CLEC1A: variants seen among roughly 807,000 people sequenced by gnomAD.
CLEC1A encodes the protein C-type lectin-like receptor-1.
In CLEC1A, 34 loss-of-function variants were observed where a neutral mutation model predicts 28.7. That is an observed-to-expected ratio of 1.18 (90% CI 0.90 to 1.57). The LOEUF (loss-of-function observed/expected upper bound fraction) is 1.57, where lower values mean the gene tolerates loss of function less well. Among genes scored for constraint, CLEC1A ranks in the 40% most tolerant of loss-of-function variants. The pLI, the probability that CLEC1A is intolerant of heterozygous loss-of-function variation, is 0.00. For missense variants in CLEC1A, 385 were observed against 339.5 expected (o/e 1.13, Z -1.05); for synonymous variants, 116 against 121.0 (o/e 0.96, Z 0.27).
At chr12:10,084,225 C>T (rs3994132) in intron 2 of CLEC1A, 119,241 of 152,190 alleles carry the variant, frequency 0.78, 48,065 homozygotes, top group Middle Eastern at 0.88. Flanking sequence ...TGTCACCCCA[C>T]TGATTGCCAG....
chr12:10,083,816 T>C (rs970488402), intron 2 of CLEC1A, among the ~76,000 whole-genome samples: 5 of 151,990 alleles, frequency 3.3e-5, no homozygotes, highest in Admixed American at 6.6e-5. Context: ...ATTTAAAAAA[T>C]TATCCAGAGA....
At chr12:10,087,523 T>TATA (rs1866526352) in intron 2 of CLEC1A, among the ~76,000 whole-genome samples, 1 of 112,192 alleles carries the variant, frequency 8.9e-6, no homozygotes, top group South Asian at 2.9e-4. Context: ...TATATATTTG[T>TATA]TTTTTTTTTT....
At position 10,075,529 on chromosome 12, in the gene CLEC1A, A is replaced by G; in HGVS notation, c.518T>C (p.Leu173Pro). The G allele has an allele frequency of 1.2e-6, 2 of 1,613,920 alleles. No individual in the cohort carries two copies. The highest frequency in any genetic ancestry group is 1.7e-6 in the Non-Finnish European group (2 of 1,179,890). The change falls in exon 4 of 6, where the codon CTG becomes CCG. Residue 173 changes from leucine (L) to proline (P), a missense_variant. Leu to Pro is a moderately conservative substitution (Grantham distance 98, BLOSUM62 -3). Coordinates refer to ENST00000315330, the MANE Select transcript of CLEC1A (RefSeq NM_016511.4). ...YFCLSENSTM[L>P]KINKQEDLEF... ...CAGGTCTTCTTGTTTGTTTATCTTC[A>G]GCATGGTAGAGTTTTCACTAAGGCA... is the stretch of plus-strand genomic sequence containing the variant.
intron 3 of CLEC1A, among the ~76,000 whole-genome samples, chr12:10,076,288 A>G (rs943559444): frequency 6.6e-6 from 1 of 152,182 alleles, no homozygotes; most frequent in Non-Finnish European, 1.5e-5. Flanking sequence ...ATTTAGAGTT[A>G]GGAACCTAAT....
In CLEC1A at chr12:10,073,394, C is replaced by T. The variant is rs1159822814; in HGVS notation, c.561G>A (p.Gln187=). 1 of 1,613,346 alleles carries T rather than the reference C, an allele frequency of 6.2e-7. No homozygotes were observed. Among genetic ancestry groups the T allele is most frequent in the Non-Finnish European group, 8.5e-7 (1 of 1,179,704 alleles). The change falls in exon 5 of 6, where the codon CAG becomes CAA. Residue 187 remains glutamine, a synonymous_variant. Transcript: ENST00000315330. ...AAGAGTAGAAAAACTCAGAGTAGCT[C>T]TGAGACGCGGCAAATTCCTGTGAAA... ...KQEDLEFAAS[Q]SYSEFFYSYW...
At chr12:10,085,747 G>A (rs540708585) in intron 2 of CLEC1A, among the ~76,000 whole-genome samples, 4 of 152,266 alleles carry the variant, frequency 2.6e-5, no homozygotes, top group Admixed American at 6.5e-5. Context: ...TCCACTGACA[G>A]CACTAGACAG....
chr12:10,084,821 C>CAAAAAAAAAAAAAAA (rs57574014), intron 2 of CLEC1A, among the ~76,000 whole-genome samples: 39 of 83,714 alleles, frequency 4.7e-4, no homozygotes, highest in African/African-American at 9.2e-4. Context: ...GACTCTGTAT[C>CAAAAAAAAAAAAAAA]AAAAAAAAAA....
intron 2 of CLEC1A, among the ~76,000 whole-genome samples, chr12:10,086,995 C>T (rs922744357): frequency 2.6e-5 from 4 of 151,880 alleles, no homozygotes; most frequent in East Asian, 1.9e-4. Flanking sequence ...CACCTGAGGT[C>T]GGGAGTTCGA....
chr12:10,080,163 A>G (rs55976190), intron 3 of CLEC1A, among the ~76,000 whole-genome samples: 2,043 of 152,192 alleles, frequency 0.013, 34 homozygotes, highest in African/African-American at 0.046. Flanking sequence ...ACAAGAAAAA[A>G]TTAGCTGGGT....
intron 2 of CLEC1A, among the ~76,000 whole-genome samples, chr12:10,087,471 GTTATATATAT>G (rs1565605659): frequency 1.8e-5 from 1 of 56,658 alleles, no homozygotes; most frequent in African/African-American, 7.8e-5. Flanking sequence ...ATACCTCAAA[GTTATATATAT>G]ATATATATAT....
chr12:10,080,968 T>C (rs895451926), intron 3 of CLEC1A, among the ~76,000 whole-genome samples: 2 of 152,248 alleles, frequency 1.3e-5, no homozygotes, highest in Non-Finnish European at 2.9e-5. Context: ...CCCTGTATTT[T>C]CTTTACTCGT....
chr12:10,073,099 A>G (rs1183801775), intron 5 of CLEC1A, among the ~76,000 whole-genome samples, 194 bp downstream of exon 5: 1 of 152,076 alleles, frequency 6.6e-6, no homozygotes, highest in Admixed American at 6.6e-5. Context: ...TCAAACGAAC[A>G]AACACACACA....
At chr12:10,086,189 C>T (rs762520497) in intron 2 of CLEC1A, among the ~76,000 whole-genome samples, 7 of 151,922 alleles carry the variant, frequency 4.6e-5, no homozygotes, top group Non-Finnish European at 7.4e-5. Flanking sequence ...ACAGCAAAAG[C>T]GGTGCTAAGA....
intron 2 of CLEC1A, among the ~76,000 whole-genome samples, chr12:10,085,279 G>A (rs1866466191): frequency 6.9e-6 from 1 of 145,566 alleles, no homozygotes; most frequent in South Asian, 2.2e-4. Context: ...CTAGCATAAT[G>A]AATAGAACAG....
intron 4 of CLEC1A, among the ~76,000 whole-genome samples, chr12:10,074,350 AGAGTG>A (rs1406274357): frequency 6.6e-6 from 1 of 152,250 alleles, no homozygotes; most frequent in Non-Finnish European, 1.5e-5. Flanking sequence ...CAATAGTCGT[AGAGTG>A]AACAGGTGAA....
intron 1 of CLEC1A, among the ~76,000 whole-genome samples, chr12:10,092,977 T>C (rs754003138): frequency 6.6e-6 from 1 of 152,150 alleles, no homozygotes; most frequent in Non-Finnish European, 1.5e-5. Flanking sequence ...ATAAAAGACA[T>C]GGAGAAACAC....
intron 2 of CLEC1A, among the ~76,000 whole-genome samples, chr12:10,086,056 T>C (rs555898847): frequency 2.6e-5 from 4 of 152,066 alleles, no homozygotes; most frequent in African/African-American, 9.6e-5. Flanking sequence ...CACAAATACA[T>C]GGAAATAAAA....
rs886140544 is a variant in CLEC1A, at chr12:10,070,454, A to G, written c.*879T>C. 19 of 152,190 alleles carry G rather than the reference A, an allele frequency of 1.2e-4. No individual in the cohort carries two copies. The highest frequency in any genetic ancestry group is 3.9e-4 in the African/African-American group (16 of 41,444). The allele number at this position is 152,190 out of a possible 1,614,324, so 9.4% of individuals were successfully genotyped here. A position where few individuals can be genotyped will look rare whatever the true frequency, so the allele number is the denominator to read the frequency against. On this transcript the variant is annotated 3_prime_UTR_variant, in exon 6 of 6. Coordinates refer to ENST00000315330, the MANE Select transcript of CLEC1A (RefSeq NM_016511.4). ...TCCATGCTGAATTTTCCCACCAACC[A>G]TAAGTCCATTGTAAAATCACACACA...
chr12:10,085,025 GA>G (rs769666755), intron 2 of CLEC1A, among the ~76,000 whole-genome samples: 17 of 151,920 alleles, frequency 1.1e-4, no homozygotes, highest in Non-Finnish European at 1.6e-4. Flanking sequence ...ATTCATAAAT[GA>G]AAGAGAGATA....
Sources: allele counts gnomAD v4.1 joint callset (sites outside exome capture counted in the v4.1 genomes callset), GRCh38; gene constraint gnomAD v4.1.1; transcripts MANE v1.5; gene names NCBI Gene and HGNC (gene_info 2026-07-23, HGNC 2026-07-21).